CHD2: variants seen among roughly 807,000 people sequenced by gnomAD.
The protein encoded by CHD2 is ATP-dependent chromatin remodeler CHD2.
CHD2 carries 28 observed loss-of-function variants against 243.9 expected under a neutral mutation model. That is an observed-to-expected ratio of 0.11 (90% CI 0.09 to 0.16). The LOEUF is 0.16. Among genes scored for constraint, CHD2 ranks in the 10% least tolerant of loss-of-function variants. The pLI, the probability that CHD2 is intolerant of heterozygous loss-of-function variation, is 1.00. For missense variants in CHD2, 1,386 were observed against 2,209.8 expected (o/e 0.63, Z 7.47); for synonymous variants, 775 against 779.0 (o/e 0.99, Z 0.09).
intron 2 of CHD2, among the ~76,000 whole-genome samples, chr15:92,905,529 AGT>A (rs765693265): frequency 6.4e-4 from 98 of 152,278 alleles, no homozygotes; most frequent in Non-Finnish European, 1.1e-3. Flanking sequence ...ATTTTAGTAA[AGT>A]GTGTTACTTC....
chr15:92,939,818 A>C, intron 7 of CHD2, 100 bp downstream of exon 7: 1 of 1,236,418 alleles, frequency 8.1e-7, no homozygotes, highest in Non-Finnish European at 1.1e-6. Context: ...TAATAGATAA[A>C]AATAACAGCC....
In CHD2 at chr15:93,024,905, C is replaced by T. The variant is rs1167800927; in HGVS notation, c.*200C>T. The T allele has an allele frequency of 1.8e-6, 1 of 544,412 alleles. No individual in the cohort carries two copies. Among genetic ancestry groups the T allele is most frequent in the African/African-American group, 1.9e-5 (1 of 51,744 alleles). 33.7% of individuals were successfully genotyped at this position (544,412 alleles called of 1,614,324 possible). A position where few individuals can be genotyped will look rare whatever the true frequency, so the allele number is the denominator to read the frequency against. On this transcript the variant is annotated 3_prime_UTR_variant, in exon 39 of 39. Coordinates refer to ENST00000394196, the MANE Select transcript of CHD2 (RefSeq NM_001271.4). ...TCTGATTCGGGTCACCACTCCTGCA[C>T]TTTGGCACCCCATCCCATTCCAGCC...
intron 33 of CHD2, 28 bp from the exon 34 acceptor site, chr15:93,004,589 A>C (rs776622887): frequency 3.1e-6 from 5 of 1,596,658 alleles, no homozygotes; most frequent in Non-Finnish European, 8.6e-7. Flanking sequence ...ACAAATGACA[A>C]TGACTCCTTG....
chr15:92,905,025 T>A, intron 2 of CHD2: 2 of 1,527,870 alleles, frequency 1.3e-6, no homozygotes, highest in Non-Finnish European at 1.8e-6. Context: ...ATGTGCTAAG[T>A]ACTATATATT....
intron 37 of CHD2, among the ~76,000 whole-genome samples, chr15:93,017,220 G>T (rs563099297): frequency 1.3e-5 from 2 of 152,336 alleles, no homozygotes; most frequent in South Asian, 4.1e-4. Flanking sequence ...GATCTCTTCA[G>T]TGGTGACAGA....
At chr15:92,965,062 A>G (rs1336207075) in intron 16 of CHD2, among the ~76,000 whole-genome samples, 2 of 152,170 alleles carry the variant, frequency 1.3e-5, no homozygotes, top group Non-Finnish European at 2.9e-5. Context: ...GTGTTCTGCA[A>G]AGCTATAAAG....
At chr15:92,954,301 G>A (rs940869624) in intron 14 of CHD2, 4 of 152,220 alleles carry the variant, frequency 2.6e-5, no homozygotes, top group Non-Finnish European at 4.4e-5. Context: ...CGACCCTAGC[G>A]AGCAAGAATG....
chr15:92,993,065 A>C (rs1334841118), intron 28 of CHD2, 67 bp downstream of exon 28: 1 of 1,578,958 alleles, frequency 6.3e-7, no homozygotes, highest in East Asian at 2.3e-5. Context: ...CTGTTGCTAA[A>C]GGGCGTTTTA....
chr15:92,957,249 CATT>C (rs2053627723), intron 16 of CHD2, among the ~76,000 whole-genome samples: 1 of 152,238 alleles, frequency 6.6e-6, no homozygotes, highest in Non-Finnish European at 1.5e-5. Context: ...CTCCATTACT[CATT>C]ATGCTTCAGC....
chr15:92,961,050 G>T (rs2053681519), intron 16 of CHD2, among the ~76,000 whole-genome samples: 1 of 152,000 alleles, frequency 6.6e-6, no homozygotes, highest in South Asian at 2.1e-4. Context: ...TTTTAATTAG[G>T]ATTTTAGTCT....
chr15:92,997,238 T>C lies in CHD2; in HGVS notation c.3735-15T>C. 1 of 1,613,998 alleles carries C rather than the reference T, an allele frequency of 6.2e-7. No individual in the cohort carries two copies. On this transcript the variant is annotated splice_polypyrimidine_tract_variant and intron_variant, in intron 29 of 38. Transcript: ENST00000394196. This position sits in a 1 kb window ranked among gnomAD's most constrained non-coding sequence, Gnocchi z 4.1. Reference sequence around the variant, plus strand: ...CCCCTCTTCTAATGTCTTCCTGTTTTTAAACTTTCTTTAGATACTGCTTAA... The same window carrying C: ...CCCCTCTTCTAATGTCTTCCTGTTTCTAAACTTTCTTTAGATACTGCTTAA...
rs2054570126 is a variant in CHD2, at chr15:93,024,531, G to A, written c.5313G>A (p.Gly1771=). 4.3e-6 allele frequency: 7 copies of A among 1,614,138 alleles called. No homozygotes were observed. In the East Asian group the frequency reaches 1.6e-4, roughly 36 times the overall value. ...GCTCTTTCCACACAGATAAACTGGG[G>A]GAATATAAACAGCCTCTACCCCCAT... The part of the protein sequence containing the change: ...HYRSFHTDKL[G]EYKQPLPPLH... The change falls in exon 39 of 39, where the codon GGG becomes GGA. Residue 1771 remains glycine (G), a synonymous_variant. Transcript: ENST00000394196.
intron 38 of CHD2, chr15:93,020,620 G>T: frequency 2.4e-6 from 1 of 422,924 alleles, no homozygotes; most frequent in Non-Finnish European, 4.2e-6. Context: ...GTCCTTACCT[G>T]CCACGAGCCC....
intron 2 of CHD2, among the ~76,000 whole-genome samples, chr15:92,903,861 C>T (rs2052566988): frequency 6.6e-6 from 1 of 152,148 alleles, no homozygotes; most frequent in Non-Finnish European, 1.5e-5. Context: ...ATTTTTATAA[C>T]CTGAGGTGCG....
At chr15:92,977,986 T>G (rs1443135728) in intron 20 of CHD2, among the ~76,000 whole-genome samples, 1 of 152,200 alleles carries the variant, frequency 6.6e-6, no homozygotes, top group Non-Finnish European at 1.5e-5. Flanking sequence ...TAGCACTAAT[T>G]CTCTCACTCC....
intron 20 of CHD2, 101 bp from the exon 21 acceptor site, chr15:92,978,133 T>C (rs891689706): frequency 7.3e-7 from 1 of 1,362,864 alleles, no homozygotes; most frequent in Non-Finnish European, 1.0e-6. Flanking sequence ...ATCTCACTTT[T>C]CTTCACACCT....
rs775689412 is a variant in CHD2 at position 92,939,704 on chromosome 15, G to C, written c.678G>C (p.Ala226=). The C allele has an allele frequency of 1.9e-6, 3 of 1,613,520 alleles. No homozygotes were observed. The South Asian group carries it at 3.3e-5, about 18-fold the overall frequency. Residue 226 remains alanine (A), a synonymous_variant, in exon 7 of 39, where the codon GCG becomes GCC. Transcript: ENST00000394196. ...CCAAAAGGCAGACTCGTCGAAGAGCGGCTAAAAACGTTAGGTAAGTTGTAC... is the reference window on the plus strand; with the variant it reads ...CCAAAAGGCAGACTCGTCGAAGAGCCGCTAAAAACGTTAGGTAAGTTGTAC... The part of the protein sequence containing the change: ...EAPKRQTRRR[A]AKNVSYKEDD...
chr15:92,949,825 G>A (rs1193348812), intron 13 of CHD2, among the ~76,000 whole-genome samples: 1 of 152,182 alleles, frequency 6.6e-6, no homozygotes, highest in Non-Finnish European at 1.5e-5. Context: ...TGCAGAAAGG[G>A]TGCTTCTTGG....
rs1245305404 is a variant in CHD2, at chr15:92,900,545, A to G, written c.-351A>G. 5.0e-6 allele frequency: 2 copies of G among 398,508 alleles called. No individual in the cohort carries two copies. Among genetic ancestry groups the G allele is most frequent in the Admixed American group, 8.8e-5 (2 of 22,702 alleles). 24.7% of individuals were successfully genotyped at this position (398,508 alleles called of 1,614,324 possible). A position where few individuals can be genotyped will look rare whatever the true frequency, so the allele number is the denominator to read the frequency against. On this transcript the variant is annotated 5_prime_UTR_variant, in exon 1 of 39. Transcript: ENST00000394196. ...TTTCTTTTCGTGCCTTGTTGGAAAGAAGCAGCCGTACTGAGAGCCCAGGTC... is the reference window on the plus strand; with the variant it reads ...TTTCTTTTCGTGCCTTGTTGGAAAGGAGCAGCCGTACTGAGAGCCCAGGTC...
Sources: gnomAD v4.1 joint callset for allele counts (sites outside exome capture counted in the v4.1 genomes callset) on GRCh38, gnomAD v4.1.1 for gene constraint, Gnocchi (gnomAD v3.1) non-coding constraint, MANE v1.5 for transcripts, NCBI Gene and HGNC (gene_info 2026-07-23, HGNC 2026-07-21) for gene names.